The following SPTA1 variants were observed in gnomAD, a reference collection of about 807,000 sequenced individuals.
The protein encoded by SPTA1 is spectrin alpha chain, erythrocytic 1.
SPTA1 carries 177 observed loss-of-function variants against 324.7 expected under a neutral mutation model. That is an observed-to-expected ratio of 0.55 (90% CI 0.48 to 0.62). The LOEUF (loss-of-function observed/expected upper bound fraction) is 0.62, where lower values mean the gene tolerates loss of function less well. SPTA1 is among the 20% of genes least tolerant of loss of function. The pLI is 0.00. For missense variants in SPTA1, 3,162 were observed against 2,883.6 expected (o/e 1.10, Z -2.21); for synonymous variants, 1,195 against 1,041.3 (o/e 1.15, Z -2.84).
Position 158,680,661 on chromosome 1 carries a change from A to T in SPTA1, c.600T>A (p.Phe200Leu). 6.2e-7 allele frequency: 1 copy of T among 1,613,950 alleles called. No individual in the cohort carries two copies. Among genetic ancestry groups the T allele is most frequent in the East Asian group, 2.2e-5 (1 of 44,876 alleles). ...WERTEVLHKK[F>L]EDFQVELVAK... ...CTACCAGCTCCACTTGGAAGTCTTC[A>T]AATTTCTTATGCAGAACTTCGGTGC... The change falls in exon 5 of 52, where the codon TTT (phenylalanine) becomes TTA (leucine). Residue 200 changes from phenylalanine to leucine, a missense_variant. Transcript: ENST00000643759.
At chr1:158,680,757 C>T in intron 4 of SPTA1, 28 bp from the exon 5 acceptor site, 1 of 1,612,752 alleles carries the variant, frequency 6.2e-7, no homozygotes, top group Non-Finnish European at 8.5e-7. Context: ...GATTGAGTTG[C>T]CAGCAAACAT....
At chr1:158,629,400 T>G (rs1650531679) in intron 39 of SPTA1, among the ~76,000 whole-genome samples, 1 of 151,804 alleles carries the variant, frequency 6.6e-6, no homozygotes, top group South Asian at 2.1e-4. Context: ...TCAATAAATG[T>G]GATACAACAC....
chr1:158,618,981 T>A (rs1649743121), intron 45 of SPTA1, among the ~76,000 whole-genome samples: 1 of 152,186 alleles, frequency 6.6e-6, no homozygotes, highest in South Asian at 2.1e-4. Flanking sequence ...GGTGAGAGTA[T>A]CAAGGAGAGA....
Position 158,611,181 on chromosome 1 carries a change from C to A in SPTA1, c.*83G>T, listed in dbSNP as rs1649235023. On this transcript the variant is annotated 3_prime_UTR_variant, in exon 52 of 52. Coordinates refer to ENST00000643759, the MANE Select transcript of SPTA1 (RefSeq NM_003126.4). ...CACACACACACGAGGCCATCTTTATCTTCCACATTTGCCTGTACTCTTTGC... is the reference window on the plus strand; with the variant it reads ...CACACACACACGAGGCCATCTTTATATTCCACATTTGCCTGTACTCTTTGC... 3 of 1,504,072 alleles carry A rather than the reference C, an allele frequency of 2.0e-6. No homozygotes were observed. The highest frequency in any genetic ancestry group is 2.8e-6 in the Non-Finnish European group (3 of 1,089,308). 93.2% of individuals were successfully genotyped at this position (1,504,072 alleles called of 1,614,324 possible). A position where few individuals can be genotyped will look rare whatever the true frequency, so the allele number is the denominator to read the frequency against.
In SPTA1 at chr1:158,636,449, C is replaced by G. The variant is rs1651075121; in HGVS notation, c.5310+192G>C. Among the ~76,000 whole-genome samples, 2 of 152,120 alleles carry G rather than the reference C, an allele frequency of 1.3e-5. 1 individual carries two copies. Among genetic ancestry groups the G allele is most frequent in the Admixed American group, 1.3e-4 (2 of 15,264 alleles). ...CTCCTTCCAGGGAAGAGCATGGGTT[C>G]TTGTTCAGAACTCTTCTACTTATAG... On this transcript the variant is annotated intron_variant, in intron 37 of 51. Transcript: ENST00000643759.
chr1:158,640,021 A>T lies in SPTA1; in HGVS notation c.4738-14T>A. 1 of 1,613,622 alleles carries T rather than the reference A, an allele frequency of 6.2e-7. No homozygotes were observed. The highest frequency in any genetic ancestry group is 8.5e-7 in the Non-Finnish European group (1 of 1,179,766). The stretch of plus-strand genomic sequence containing the variant: ...TTCCAGTTGCTCCTAACCCAAGGAG[A>T]GTGAGGAGTCATTACAATCTTTAGG... On this transcript the variant is annotated splice_polypyrimidine_tract_variant and intron_variant, in intron 33 of 51. Coordinates refer to ENST00000643759, the MANE Select transcript of SPTA1 (RefSeq NM_003126.4).
chr1:158,637,921 T>C, intron 36 of SPTA1, 112 bp downstream of exon 36: 2 of 1,223,234 alleles, frequency 1.6e-6, no homozygotes, highest in South Asian at 1.2e-5. Flanking sequence ...CATGAAGTAG[T>C]GCTATCTTCA....
Position 158,645,357 on chromosome 1 carries a change from G to A in SPTA1, c.4025C>T (p.Ala1342Val), listed in dbSNP as rs573444416. Residue 1342 changes from alanine to valine, a missense_variant, in exon 29 of 52, where the codon GCT becomes GTT. Ala to Val is a moderately conservative substitution (Grantham distance 64, BLOSUM62 0). Coordinates refer to ENST00000643759, the MANE Select transcript of SPTA1 (RefSeq NM_003126.4). Reference protein sequence around the residue: ...QEHRADMEAEAPTFQALEDFS... With the variant: ...QEHRADMEAEVPTFQALEDFS... ...GTCCTCTAAGGCCTGGAAGGTGGGA[G>A]CCTCTGCCTCCATGTCAGCACGGTG... 48 of 1,613,982 alleles carry A rather than the reference G, an allele frequency of 3.0e-5. No homozygotes were observed. Among genetic ancestry groups the A allele is most frequent in the Middle Eastern group, 1.7e-4 (1 of 6,060 alleles).
At position 158,627,739 on chromosome 1, in the gene SPTA1, G is replaced by A. The variant is rs373339643; in HGVS notation, c.5566-16C>T. On this transcript the variant is annotated splice_polypyrimidine_tract_variant and intron_variant, in intron 39 of 51. Transcript: ENST00000643759. ...TTAGCAAGCTCTGCATAAATAAGTC[G>A]GTGAGAATTAAGATATCCAAAGCCG... The A allele has an allele frequency of 8.4e-5, 135 of 1,607,962 alleles. No homozygotes were observed. The highest frequency in any genetic ancestry group is 2.3e-4 in the African/African-American group (17 of 74,950).
intron 24 of SPTA1, among the ~76,000 whole-genome samples, chr1:158,650,810 G>GA (rs1325187232): frequency 6.6e-6 from 1 of 152,150 alleles, no homozygotes; most frequent in Non-Finnish European, 1.5e-5. Context: ...GACATGTAAG[G>GA]AAAAAACTTT....
chr1:158,638,325 A>G, intron 35 of SPTA1, 84 bp from the exon 36 acceptor site: 6 of 1,348,306 alleles, frequency 4.5e-6, no homozygotes, highest in Non-Finnish European at 6.2e-6. Flanking sequence ...GGTCTGGCTC[A>G]AAGACTGGGC....
At chr1:158,612,761 T>C in intron 51 of SPTA1, 56 bp downstream of exon 51, 1 of 1,607,814 alleles carries the variant, frequency 6.2e-7, no homozygotes. Flanking sequence ...GGGCCTGAGA[T>C]GACCAGAATT....
chr1:158,649,820 T>G, intron 25 of SPTA1, 36 bp downstream of exon 25: 1 of 1,531,706 alleles, frequency 6.5e-7, no homozygotes. Context: ...GAGTGGGTTT[T>G]AAAGCAGCAC....
At chr1:158,682,742 G>A (rs564246107) in intron 3 of SPTA1, among the ~76,000 whole-genome samples, 1 of 152,278 alleles carries the variant, frequency 6.6e-6, no homozygotes, top group African/African-American at 2.4e-5. Flanking sequence ...GGAAGAGTTC[G>A]TAGATTAAGT....
chr1:158,655,296 C>A (rs964712048), intron 20 of SPTA1, among the ~76,000 whole-genome samples: 4 of 129,040 alleles, frequency 3.1e-5, no homozygotes, highest in Non-Finnish European at 5.9e-5. Context: ...TAACTGAGAT[C>A]ATTAAAAGTA....
chr1:158,622,595 T>C (rs1404967887), intron 43 of SPTA1: 3 of 237,356 alleles, frequency 1.3e-5, no homozygotes, highest in Non-Finnish European at 1.7e-5. Flanking sequence ...GAAAGCTTGA[T>C]ATAAGGTGAG....
At chr1:158,628,708 C>T (rs759951759) in intron 39 of SPTA1, among the ~76,000 whole-genome samples, 7 of 152,044 alleles carry the variant, frequency 4.6e-5, no homozygotes, top group South Asian at 2.1e-4. Context: ...TCTTCACCTT[C>T]GCCTTCTATT....
chr1:158,645,459 T>A (rs1651925486), intron 28 of SPTA1, 36 bp downstream of exon 28: 6 of 1,613,764 alleles, frequency 3.7e-6, no homozygotes, highest in Non-Finnish European at 5.1e-6. Context: ...AGGTTTCAGG[T>A]CAAGTGATCA....
chr1:158,645,635 C>T (rs1187968391), intron 27 of SPTA1, 41 bp from the exon 28 acceptor site: 3 of 1,601,668 alleles, frequency 1.9e-6, no homozygotes, highest in Non-Finnish European at 2.6e-6. Flanking sequence ...GAAAACCTTG[C>T]AACTTGCTAC....
Sources: allele counts gnomAD v4.1 joint callset (sites outside exome capture counted in the v4.1 genomes callset), GRCh38; gene constraint gnomAD v4.1.1; transcripts MANE v1.5; gene names NCBI Gene and HGNC (gene_info 2026-07-23, HGNC 2026-07-21).